Variants in NAALADL1 observed in about 807,000 individuals in gnomAD.
NAALADL1 encodes N-acetylated alpha-linked acidic dipeptidase like 1.
NAALADL1 carries 77 observed loss-of-function variants against 82.8 expected under a neutral mutation model. That is an observed-to-expected ratio of 0.93 (90% CI 0.77 to 1.12). The LOEUF (loss-of-function observed/expected upper bound fraction) is 1.12. Ranked by LOEUF, NAALADL1 falls within the 50% of genes most tolerant of loss-of-function variation. The pLI, the probability that NAALADL1 is intolerant of heterozygous loss-of-function variation, is 0.00. For synonymous variants in NAALADL1, 358 were observed against 399.2 expected, an observed-to-expected ratio of 0.90 and a Z score of 1.23; for missense variants, 956 against 964.0, an observed-to-expected ratio of 0.99 and a Z score of 0.11.
chr11:65,045,457 G>A lies in NAALADL1; in HGVS notation c.2037C>T (p.Ser679=), dbSNP rs1476989177. The A allele has an allele frequency of 6.3e-7, 1 of 1,598,876 alleles. No individual in the cohort carries two copies. The highest frequency in any genetic ancestry group is 1.1e-5 in the South Asian group (1 of 89,712). Reference sequence around the variant, plus strand: ...CCGTGCGAGGTGCCCAGAGCACATGGCTGACAAGAGAAATGGGACAGGATC... The same window carrying A: ...CCGTGCGAGGTGCCCAGAGCACATGACTGACAAGAGAAATGGGACAGGATC... ...PRAFPEERYY[S]HVLWAPRTGS... The change falls in exon 18 of 18, where the codon AGC becomes AGT. Residue 679 remains serine (S), a splice_region_variant and synonymous_variant. Transcript: ENST00000358658.
chr11:65,051,954 T>C (rs774579787), intron 8 of NAALADL1, among the ~76,000 whole-genome samples: 1 of 152,170 alleles, frequency 6.6e-6, no homozygotes, highest in Non-Finnish European at 1.5e-5. Flanking sequence ...TCAATGCCTG[T>C]GGATCACTTG....
chr11:65,046,407 T>C, intron 14 of NAALADL1, 38 bp downstream of exon 14: 1 of 1,614,204 alleles, frequency 6.2e-7, no homozygotes. Flanking sequence ...CAGCCTCTCC[T>C]GTCCTGGTCT....
chr11:65,053,320 C>T lies in NAALADL1; in HGVS notation c.1096G>A (p.Gly366Arg). 1 of 1,570,422 alleles carries T rather than the reference C, an allele frequency of 6.4e-7. No homozygotes were observed. Among genetic ancestry groups the T allele is most frequent in the Non-Finnish European group, 8.6e-7 (1 of 1,158,260 alleles). Reference protein sequence around the residue: ...AVEPDRYVLYGNHRDSWVHGA... With the variant: ...AVEPDRYVLYRNHRDSWVHGA... The stretch of plus-strand genomic sequence containing the variant: ...TGCACCCAGCTGTCTCGGTGGTTCC[C>T]ATACAGCACGTAGCGATCTGGCCAG... The change falls in exon 8 of 18, where the codon GGG becomes AGG. Residue 366 changes from glycine (G) to arginine (R), a missense_variant. Coordinates refer to ENST00000358658, the MANE Select transcript of NAALADL1 (RefSeq NM_005468.3). The surrounding 1 kb of genome is among the most constrained non-coding windows in gnomAD (Gnocchi z 4.3).
At chr11:65,060,123 CGTGTGTGTGT>C (rs139317710), upstream of NAALADL1, among the ~76,000 whole-genome samples, 4 of 147,376 alleles carry the variant, frequency 2.7e-5, no homozygotes, top group South Asian at 2.2e-4. Context: ...CAGGGCAGAG[CGTGTGTGTGT>C]GTGTGTGTGT....
chr11:65,053,182 C>A lies in NAALADL1; in HGVS notation c.1198+36G>T. The A allele has an allele frequency of 6.7e-7, 1 of 1,500,044 alleles. No homozygotes were observed. Among genetic ancestry groups the A allele is most frequent in the Non-Finnish European group, 8.9e-7 (1 of 1,122,588 alleles). 92.9% of individuals were successfully genotyped at this position (1,500,044 alleles called of 1,614,324 possible). A position where few individuals can be genotyped will look rare whatever the true frequency, so the allele number is the denominator to read the frequency against. On this transcript the variant is annotated intron_variant, in intron 8 of 17. Coordinates refer to ENST00000358658, the MANE Select transcript of NAALADL1 (RefSeq NM_005468.3). The surrounding 1 kb of genome is among the most constrained non-coding windows in gnomAD (Gnocchi z 4.3). Reference sequence around the variant, plus strand: ...GGAACAGGAAGGGGACCTCCGGGGGCGAAGGTCCCTGGTCCAGGGGAGGGG... The same window carrying A: ...GGAACAGGAAGGGGACCTCCGGGGGAGAAGGTCCCTGGTCCAGGGGAGGGG...
intron 11 of NAALADL1, 89 bp from the exon 12 acceptor site, chr11:65,047,827 T>G: frequency 6.7e-7 from 1 of 1,486,264 alleles, no homozygotes; most frequent in Non-Finnish European, 9.1e-7. Flanking sequence ...TGCCCACCCG[T>G]GGTCCAGTCC....
chr11:65,047,782 G>T, intron 11 of NAALADL1, 44 bp from the exon 12 acceptor site: 1 of 1,550,010 alleles, frequency 6.5e-7, no homozygotes. Context: ...GCCCTCCCCA[G>T]CCCCAACAAC....
chr11:65,053,157 G>A lies in NAALADL1; in HGVS notation c.1198+61C>T, dbSNP rs1465459953. 3.4e-6 allele frequency: 5 copies of A among 1,482,164 alleles called. No individual in the cohort carries two copies. Among genetic ancestry groups the A allele is most frequent in the Non-Finnish European group, 4.5e-6 (5 of 1,113,752 alleles). The allele number at this position is 1,482,164 out of a possible 1,614,324, so 91.8% of individuals were successfully genotyped here. On this transcript the variant is annotated intron_variant, in intron 8 of 17. Transcript: ENST00000358658. The surrounding 1 kb of genome is among the most constrained non-coding windows in gnomAD (Gnocchi z 4.3). Reference sequence around the variant, plus strand: ...CACTGCAGTGTGAGGGAGAGGAGGTGGAACAGGAAGGGGACCTCCGGGGGC... The same window carrying A: ...CACTGCAGTGTGAGGGAGAGGAGGTAGAACAGGAAGGGGACCTCCGGGGGC...
upstream of NAALADL1, among the ~76,000 whole-genome samples, chr11:65,058,833 C>T (rs955819183): frequency 1.3e-5 from 2 of 152,202 alleles, no homozygotes; most frequent in Non-Finnish European, 2.9e-5. Flanking sequence ...CTCAGAGCTC[C>T]TGTGTTCACA....
intron 8 of NAALADL1, among the ~76,000 whole-genome samples, chr11:65,051,866 C>T (rs78533220): frequency 0.015 from 2,234 of 152,164 alleles, 58 homozygotes; most frequent in African/African-American, 0.051. Flanking sequence ...TACTTACAAA[C>T]GTAAAACTGG....
chr11:65,058,627 T>C (rs1947117047), upstream of NAALADL1: 5 of 1,119,072 alleles, frequency 4.5e-6, no homozygotes, highest in South Asian at 3.3e-5. Flanking sequence ...CACTGCCCTT[T>C]GACCCCCAGC....
Position 65,054,854 on chromosome 11 carries a change from G to A in NAALADL1, c.604-116C>T. ...GGATAGACCAATCTTCCATGGGCAAGATGACGTTTGCACAAGTCATTTATG... is the reference window on the plus strand; with the variant it reads ...GGATAGACCAATCTTCCATGGGCAAAATGACGTTTGCACAAGTCATTTATG... On this transcript the variant is annotated intron_variant, in intron 4 of 17. Transcript: ENST00000358658. This position sits in a 1 kb window ranked among gnomAD's most constrained non-coding sequence, Gnocchi z 4.3. 1 of 1,345,904 alleles carries A rather than the reference G, an allele frequency of 7.4e-7. No individual in the cohort carries two copies. The highest frequency in any genetic ancestry group is 1.5e-5 in the South Asian group (1 of 68,732). 83.4% of individuals were successfully genotyped at this position (1,345,904 alleles called of 1,614,324 possible). A position where few individuals can be genotyped will look rare whatever the true frequency, so the allele number is the denominator to read the frequency against.
At chr11:65,055,543 T>C (rs564527171) in intron 4 of NAALADL1, among the ~76,000 whole-genome samples, 6 of 152,250 alleles carry the variant, frequency 3.9e-5, no homozygotes, top group African/African-American at 1.4e-4. Flanking sequence ...TTATGTTAAG[T>C]GAAATAAGCC....
Position 65,054,639 on chromosome 11 carries a change from T to G in NAALADL1, c.703A>C (p.Asn235His). The change falls in exon 5 of 18, where the codon AAC becomes CAC. Residue 235 changes from asparagine to histidine, a missense_variant. By Grantham distance (68) the Asn-to-His change is moderately conservative. Transcript: ENST00000358658. The surrounding 1 kb of genome is among the most constrained non-coding windows in gnomAD (Gnocchi z 4.3). Reference protein sequence around the residue: ...GLSSPDETFPNSWYLPPSGVE... With the variant: ...GLSSPDETFPHSWYLPPSGVE... Reference sequence around the variant, plus strand: ...CCTGAGGGGGGCAGGTACCAGGAGTTGGGAAAGGTTTCGTCGGGTGAGCTC... The same window carrying G: ...CCTGAGGGGGGCAGGTACCAGGAGTGGGGAAAGGTTTCGTCGGGTGAGCTC... 2.5e-6 allele frequency: 4 copies of G among 1,613,914 alleles called. No homozygotes were observed. Among genetic ancestry groups the G allele is most frequent in the Non-Finnish European group, 3.4e-6 (4 of 1,179,956 alleles).
In NAALADL1 at chr11:65,047,503, G is replaced by A; in HGVS notation, c.1571C>T (p.Ser524Phe). The A allele has an allele frequency of 6.4e-7, 1 of 1,568,884 alleles. No homozygotes were observed. The highest frequency in any genetic ancestry group is 8.6e-7 in the Non-Finnish European group (1 of 1,156,698). Residue 524 changes from serine to phenylalanine, a missense_variant, in exon 13 of 18, where the codon TCC (serine) becomes TTC (phenylalanine). Transcript: ENST00000358658. ...APFVHFLGISSMDIAYTYDRS... is the reference protein window; with the variant it reads ...APFVHFLGISFMDIAYTYDRS... ...GTCATAGGTATAGGCAATGTCCATG[G>A]AGGAGATGCCCAGGAAGTGAACGAA...
chr11:65,047,885 G>C (rs981009088), intron 11 of NAALADL1, 96 bp downstream of exon 11: 11 of 1,461,768 alleles, frequency 7.5e-6, no homozygotes, highest in Non-Finnish European at 1.0e-5. Context: ...GATCTAGAGA[G>C]TACCACTCCC....
intron 8 of NAALADL1, among the ~76,000 whole-genome samples, chr11:65,049,805 C>T (rs965730747): frequency 3.9e-5 from 6 of 152,066 alleles, no homozygotes; most frequent in Admixed American, 2.0e-4. Context: ...CCCAGGAGGT[C>T]GAGCAAGCAG....
At chr11:65,058,898 C>T (rs1036993834), upstream of NAALADL1, among the ~76,000 whole-genome samples, 2 of 152,188 alleles carry the variant, frequency 1.3e-5, no homozygotes, top group Admixed American at 6.5e-5. Flanking sequence ...CCAAGGCAGC[C>T]GATCTACAGC....
chr11:65,051,841 T>C (rs1946898915), intron 8 of NAALADL1, among the ~76,000 whole-genome samples: 1 of 152,174 alleles, frequency 6.6e-6, no homozygotes, highest in Admixed American at 6.5e-5. Context: ...ATGTACTTAA[T>C]GCCACTGAAT....
Sources: gnomAD v4.1 joint callset for allele counts (sites outside exome capture counted in the v4.1 genomes callset) on GRCh38, gnomAD v4.1.1 for gene constraint, Gnocchi (gnomAD v3.1) non-coding constraint, MANE v1.5 for transcripts, NCBI Gene and HGNC (gene_info 2026-07-23, HGNC 2026-07-21) for gene names.